Variants in ROR1 observed in about 807,000 individuals in gnomAD.
ROR1 encodes the protein ROR family WNT receptor 1, also known as inactive tyrosine-protein kinase transmembrane receptor ROR1.
A neutral mutation model predicts 78.8 loss-of-function variants in ROR1; 19 were observed. That is an observed-to-expected ratio of 0.24 (90% CI 0.17 to 0.35). ROR1 has a LOEUF of 0.35. ROR1 is among the 10% of genes least tolerant of loss of function. The pLI is 1.00. For missense variants in ROR1, 917 were observed against 1,177.8 expected (o/e 0.78, Z 3.24); for synonymous variants, 386 against 433.6 (o/e 0.89, Z 1.36).
At chr1:63,931,949 A>G (rs1358830508) in intron 1 of ROR1, among the ~76,000 whole-genome samples, 2 of 152,210 alleles carry the variant, frequency 1.3e-5, no homozygotes, top group South Asian at 2.1e-4. Context: ...GTTCTGTACT[A>G]TACATGATTT....
chr1:63,841,793 G>A (rs141577266), intron 1 of ROR1, among the ~76,000 whole-genome samples: 22 of 152,324 alleles, frequency 1.4e-4, no homozygotes, highest in Non-Finnish European at 3.1e-4. Flanking sequence ...GGATGAATAT[G>A]ATGGTTTCTG....
intron 4 of ROR1, among the ~76,000 whole-genome samples, chr1:64,123,431 A>G (rs1648612039): frequency 6.6e-6 from 1 of 152,228 alleles, no homozygotes; most frequent in Non-Finnish European, 1.5e-5. Flanking sequence ...CTGGCATGAC[A>G]TGAAGCCAAC....
chr1:64,148,458 T>G (rs1428620492), intron 7 of ROR1, among the ~76,000 whole-genome samples: 1 of 152,212 alleles, frequency 6.6e-6, no homozygotes, highest in East Asian at 1.9e-4. Flanking sequence ...CAGAGTCTCA[T>G]AGGAAAATTC....
intron 4 of ROR1, chr1:64,094,578 T>A: frequency 3.7e-5 from 1 of 26,936 alleles, no homozygotes; most frequent in Non-Finnish European, 5.5e-5. Flanking sequence ...GTTTTTGTTT[T>A]GTTTTGTTTT....
chr1:63,932,412 C>A (rs1033994892), intron 1 of ROR1, among the ~76,000 whole-genome samples: 2 of 152,118 alleles, frequency 1.3e-5, no homozygotes, highest in East Asian at 3.9e-4. Context: ...AATAGCCCGG[C>A]CTCCCTTCCT....
At chr1:63,821,139 C>G (rs2100284861) in intron 1 of ROR1, among the ~76,000 whole-genome samples, 1 of 152,284 alleles carries the variant, frequency 6.6e-6, no homozygotes, top group South Asian at 2.1e-4. Flanking sequence ...ATTAAGTGTT[C>G]ACATTGTACC....
intron 4 of ROR1, among the ~76,000 whole-genome samples, chr1:64,113,947 A>G (rs1231274405): frequency 6.6e-6 from 1 of 152,190 alleles, no homozygotes; most frequent in Admixed American, 6.5e-5. Context: ...GAAGATAAAA[A>G]CACTCTTACT....
At chr1:64,176,884 GT>G (rs1650396799) in intron 8 of ROR1, among the ~76,000 whole-genome samples, 1 of 152,216 alleles carries the variant, frequency 6.6e-6, no homozygotes. Flanking sequence ...AATGTAAATG[GT>G]TTCAGGAGTG....
At chr1:63,974,504 G>A (rs910600817) in intron 1 of ROR1, among the ~76,000 whole-genome samples, 3 of 151,906 alleles carry the variant, frequency 2.0e-5, no homozygotes, top group African/African-American at 4.8e-5. Flanking sequence ...GTGCAGTGGC[G>A]CAATCTCAGC....
At chr1:63,982,697 AT>A in intron 1 of ROR1, among the ~76,000 whole-genome samples, 1 of 152,204 alleles carries the variant, frequency 6.6e-6, no homozygotes. Context: ...CTTTCAATAC[AT>A]TAGAATATTC....
chr1:63,822,664 C>T (rs1644930305), intron 1 of ROR1, among the ~76,000 whole-genome samples: 1 of 152,142 alleles, frequency 6.6e-6, no homozygotes, highest in Non-Finnish European at 1.5e-5. Flanking sequence ...TTGTGAACAG[C>T]TTTCCATATC....
chr1:63,936,099 C>T (rs567752647), intron 1 of ROR1, among the ~76,000 whole-genome samples: 2 of 152,266 alleles, frequency 1.3e-5, no homozygotes, highest in South Asian at 2.1e-4. Context: ...ATTGAAAGAC[C>T]GTTATGGAGA....
At position 64,179,836 on chromosome 1, in the gene ROR1, G is replaced by A. The variant is rs765392577; in HGVS notation, c.*981G>A. On this transcript the variant is annotated 3_prime_UTR_variant, in exon 9 of 9. Transcript: ENST00000371079. Reference sequence around the variant, plus strand: ...ACTCCCTGTTTACAAGTTGTCCGAGGCATTGGAGTGCTTATGGTCAATGGG... The same window carrying A: ...ACTCCCTGTTTACAAGTTGTCCGAGACATTGGAGTGCTTATGGTCAATGGG... 6.6e-6 allele frequency: 1 copy of A among 152,194 alleles called. No homozygotes were observed. Among genetic ancestry groups the A allele is most frequent in the South Asian group, 2.1e-4 (1 of 4,826 alleles). The allele number at this position is 152,194 out of a possible 1,614,324, so 9.4% of individuals were successfully genotyped here.
At chr1:63,995,540 AC>A (rs909566012) in intron 1 of ROR1, among the ~76,000 whole-genome samples, 12 of 152,216 alleles carry the variant, frequency 7.9e-5, no homozygotes, top group Non-Finnish European at 1.5e-5. Flanking sequence ...TTCTGAATGC[AC>A]AAGGATTTTT....
At chr1:63,806,395 G>A (rs1278850031) in intron 1 of ROR1, among the ~76,000 whole-genome samples, 1 of 148,950 alleles carries the variant, frequency 6.7e-6, no homozygotes, top group Non-Finnish European at 1.5e-5. Context: ...CCAGCCCACT[G>A]CAAGCTCCAC....
intron 4 of ROR1, among the ~76,000 whole-genome samples, chr1:64,090,995 T>A (rs35421478): frequency 0.28 from 42,065 of 151,990 alleles, 6,439 homozygotes; most frequent in African/African-American, 0.41. Context: ...TCTTTATTGT[T>A]ATCAGCCTCT....
At chr1:64,144,234 GCT>G (rs1649416783) in intron 7 of ROR1, among the ~76,000 whole-genome samples, 1 of 152,178 alleles carries the variant, frequency 6.6e-6, no homozygotes, top group Non-Finnish European at 1.5e-5. Context: ...TTTAGTGGGA[GCT>G]GGAATCAAGA....
chr1:64,048,352 A>G (rs1034905342), intron 2 of ROR1, among the ~76,000 whole-genome samples: 2 of 152,222 alleles, frequency 1.3e-5, no homozygotes, highest in Non-Finnish European at 2.9e-5. Flanking sequence ...CATTTCCATC[A>G]TTGCAGAAAG....
intron 1 of ROR1, among the ~76,000 whole-genome samples, chr1:63,846,757 A>G (rs189551841): frequency 8.5e-5 from 13 of 152,332 alleles, no homozygotes; most frequent in Admixed American, 2.0e-4. Flanking sequence ...ATAAATGCCA[A>G]ACCTTCAAGG....
Sources: gnomAD v4.1 joint callset for allele counts (sites outside exome capture counted in the v4.1 genomes callset) on GRCh38, gnomAD v4.1.1 for gene constraint, MANE v1.5 for transcripts, NCBI Gene and HGNC (gene_info 2026-07-23, HGNC 2026-07-21) for gene names.